Variants in LIN7A observed in about 807,000 individuals in gnomAD.
LIN7A encodes lin-7 cell polarity scaffold A.
LIN7A carries 25 observed loss-of-function variants against 29.8 expected under a neutral mutation model. That is an observed-to-expected ratio of 0.84 (90% CI 0.61 to 1.17). The LOEUF (loss-of-function observed/expected upper bound fraction) is 1.17, where lower values mean the gene tolerates loss of function less well. Among genes scored for constraint, LIN7A ranks in the 50% most tolerant of loss-of-function variants. The pLI is 0.00. For missense variants in LIN7A, 239 were observed against 287.0 expected, an observed-to-expected ratio of 0.83 and a Z score of 1.21; for synonymous variants, 118 against 107.5, an observed-to-expected ratio of 1.10 and a Z score of -0.60.
chr12:80,848,901 T>G (rs1424770251), intron 2 of LIN7A, among the ~76,000 whole-genome samples: 1 of 152,172 alleles, frequency 6.6e-6, no homozygotes, highest in African/African-American at 2.4e-5. Flanking sequence ...TTATTTTACA[T>G]GCTTAACTCA....
chr12:80,864,911 G>A (rs1388225978), intron 2 of LIN7A, among the ~76,000 whole-genome samples: 1 of 152,174 alleles, frequency 6.6e-6, no homozygotes, highest in Admixed American at 6.5e-5. Flanking sequence ...AGTTTGTAAA[G>A]GGGGAAAGGG....
intron 4 of LIN7A, chr12:80,842,159 T>A (rs1686247909): frequency 7.8e-7 from 1 of 1,275,024 alleles, no homozygotes; most frequent in Non-Finnish European, 1.0e-6. Context: ...GTTCAATTGC[T>A]GTATTTTGTC....
At chr12:80,912,367 T>A (rs561954538) in intron 1 of LIN7A, among the ~76,000 whole-genome samples, 3 of 152,260 alleles carry the variant, frequency 2.0e-5, no homozygotes, top group Non-Finnish European at 4.4e-5. Context: ...TGTAACTGAA[T>A]TAGATATAAA....
intron 2 of LIN7A, among the ~76,000 whole-genome samples, chr12:80,850,587 G>A (rs1327236625): frequency 6.6e-6 from 1 of 152,108 alleles, no homozygotes; most frequent in African/African-American, 2.4e-5. Context: ...TGTCATAAAT[G>A]GGATGCTACT....
Position 80,795,645 on chromosome 12 carries a change from G to A in LIN7A, c.*2082C>T, listed in dbSNP as rs1809657015. On this transcript the variant is annotated 3_prime_UTR_variant, in exon 6 of 6. Coordinates refer to ENST00000552864, the MANE Select transcript of LIN7A (RefSeq NM_004664.4). ...TTTATACAATGTATTGAAATGTGTT[G>A]AAATGACCATTTTCTCATGACAAGG... 6.6e-6 allele frequency: 1 copy of A among 152,018 alleles called. No individual in the cohort carries two copies. The highest frequency in any genetic ancestry group is 2.4e-5 in the African/African-American group (1 of 41,410). 9.4% of individuals were successfully genotyped at this position (152,018 alleles called of 1,614,324 possible).
intron 4 of LIN7A, among the ~76,000 whole-genome samples, chr12:80,825,699 T>C (rs912406587): frequency 3.3e-5 from 5 of 152,176 alleles, no homozygotes; most frequent in Non-Finnish European, 7.3e-5. Context: ...GCAAGTATCA[T>C]GGGCAATGAC....
chr12:80,855,470 CT>C (rs1447011239), intron 2 of LIN7A, among the ~76,000 whole-genome samples: 1 of 152,058 alleles, frequency 6.6e-6, no homozygotes, highest in African/African-American at 2.4e-5. Context: ...TGGTATCTGA[CT>C]TTAAAATATT....
intron 2 of LIN7A, among the ~76,000 whole-genome samples, chr12:80,864,120 A>T (rs1383737893): frequency 6.6e-6 from 1 of 152,186 alleles, no homozygotes; most frequent in Non-Finnish European, 1.5e-5. Flanking sequence ...AGACAAAGTT[A>T]CACTCATAAG....
At chr12:80,820,174 C>T (rs537289904) in intron 4 of LIN7A, among the ~76,000 whole-genome samples, 6 of 152,028 alleles carry the variant, frequency 3.9e-5, no homozygotes, top group African/African-American at 1.2e-4. Context: ...AAAGAAGGAA[C>T]GTGCAGGAGA....
intron 1 of LIN7A, among the ~76,000 whole-genome samples, chr12:80,893,748 G>T (rs181514754): frequency 1.5e-4 from 23 of 152,302 alleles, no homozygotes; most frequent in Admixed American, 1.5e-3. Context: ...AATGAACTTG[G>T]TGACCCGCTT....
chr12:80,841,346 AGG>A, intron 4 of LIN7A, among the ~76,000 whole-genome samples: 1 of 1,568 alleles, frequency 6.4e-4, no homozygotes, highest in African/African-American at 1.5e-3. Context: ...GAGGGAGGGA[AGG>A]AAGGAAGGAA....
intron 1 of LIN7A, among the ~76,000 whole-genome samples, chr12:80,896,594 G>A (rs144879608): frequency 8.5e-5 from 13 of 152,254 alleles, no homozygotes; most frequent in Admixed American, 2.0e-4. Context: ...AACTTGCTGC[G>A]TTCCTCAAAT....
At chr12:80,871,059 A>C (rs1196135903) in intron 2 of LIN7A, among the ~76,000 whole-genome samples, 1 of 152,226 alleles carries the variant, frequency 6.6e-6, no homozygotes, top group Admixed American at 6.5e-5. Context: ...AGTAACTGCT[A>C]CATTTTTGAA....
intron 1 of LIN7A, among the ~76,000 whole-genome samples, chr12:80,922,121 T>G (rs1877346512): frequency 6.6e-6 from 1 of 152,222 alleles, no homozygotes; most frequent in African/African-American, 2.4e-5. Context: ...AAATAAAATT[T>G]TGGCCTACAG....
intron 1 of LIN7A, among the ~76,000 whole-genome samples, chr12:80,892,832 G>C (rs1357462091): frequency 6.6e-6 from 1 of 152,178 alleles, no homozygotes; most frequent in Non-Finnish European, 1.5e-5. Flanking sequence ...TGAGACCACT[G>C]CTCTAGTTTG....
chr12:80,826,466 T>C (rs762860448), intron 4 of LIN7A, among the ~76,000 whole-genome samples: 4 of 152,168 alleles, frequency 2.6e-5, no homozygotes, highest in Non-Finnish European at 5.9e-5. Flanking sequence ...TTTCTTATGA[T>C]TTCTTGCCTG....
intron 2 of LIN7A, among the ~76,000 whole-genome samples, chr12:80,870,718 T>C (rs1338289423): frequency 1.3e-5 from 2 of 152,294 alleles, no homozygotes; most frequent in Non-Finnish European, 2.9e-5. Context: ...AGGAGAAAAC[T>C]GTTGAGCCAA....
intron 1 of LIN7A, among the ~76,000 whole-genome samples, chr12:80,926,650 T>C (rs1482707156): frequency 6.6e-6 from 1 of 152,166 alleles, no homozygotes; most frequent in African/African-American, 2.4e-5. Flanking sequence ...GTTCACTCTC[T>C]CACCTCTAAA....
intron 2 of LIN7A, among the ~76,000 whole-genome samples, chr12:80,864,943 G>T (rs1248602435): frequency 6.6e-6 from 1 of 152,156 alleles, no homozygotes; most frequent in Non-Finnish European, 1.5e-5. Context: ...GTTTTAATTA[G>T]GTTGAAGTGC....
Sources: allele counts gnomAD v4.1 joint callset (sites outside exome capture counted in the v4.1 genomes callset), GRCh38; gene constraint gnomAD v4.1.1; transcripts MANE v1.5; gene names NCBI Gene and HGNC (gene_info 2026-07-23, HGNC 2026-07-21).